IQGAP2: variants seen among roughly 807,000 people sequenced by gnomAD.
The protein encoded by IQGAP2 is IQ motif containing GTPase activating protein 2, also known as ras GTPase-activating-like protein IQGAP2.
IQGAP2 carries 173 observed loss-of-function variants against 201.3 expected under a neutral mutation model. The ratio of observed to expected loss-of-function variants is 0.86; its 90% CI spans 0.76 to 0.98. The LOEUF is 0.98. Ranked by LOEUF, IQGAP2 falls within the 50% of genes least tolerant of loss-of-function variation. The pLI, the probability that IQGAP2 is intolerant of heterozygous loss-of-function variation, is 0.00. For missense variants in IQGAP2, 1,687 were observed against 1,864.8 expected (o/e 0.90, Z 1.76); for synonymous variants, 675 against 673.9 (o/e 1.00, Z -0.03).
intron 2 of IQGAP2, 123 bp from the exon 3 acceptor site, chr5:76,562,273 C>A: frequency 1.5e-6 from 1 of 686,472 alleles, no homozygotes; most frequent in East Asian, 2.7e-5. Flanking sequence ...CCAGTGACAC[C>A]GAAAGATGTT....
chr5:76,700,949 A>T, intron 33 of IQGAP2, 127 bp from the exon 34 acceptor site: 1 of 850,570 alleles, frequency 1.2e-6, no homozygotes, highest in Non-Finnish European at 1.8e-6. Flanking sequence ...CAAAATAAAA[A>T]AGTGTATATT....
intron 1 of IQGAP2, chr5:76,404,568 A>T: frequency 1.2e-6 from 1 of 844,254 alleles, no homozygotes; most frequent in South Asian, 5.5e-5. Context: ...TACCTTCAGC[A>T]GGGTGTTTTG....
At chr5:76,417,477 G>T (rs779550838) in intron 1 of IQGAP2, among the ~76,000 whole-genome samples, 2 of 152,066 alleles carry the variant, frequency 1.3e-5, no homozygotes, top group Admixed American at 1.3e-4. Flanking sequence ...TGGAGACAAG[G>T]TTTCACCATG....
chr5:76,482,323 G>C lies in IQGAP2; in HGVS notation c.146+20654G>C, dbSNP rs575623227. ...AATAACCAAAATATATGCTTATAAA[G>C]TGGTGATGAAAAATTACTTCTTGGT... is the stretch of plus-strand genomic sequence containing the variant. On this transcript the variant is annotated intron_variant, in intron 2 of 35. Coordinates refer to ENST00000274364, the MANE Select transcript of IQGAP2 (RefSeq NM_006633.5). 2.6e-5 allele frequency among the ~76,000 whole-genome samples: 4 copies of C among 152,316 alleles called. No homozygotes were observed. The East Asian group carries it at 5.8e-4, about 22-fold the overall frequency.
At chr5:76,568,358 A>G (rs562058885) in intron 3 of IQGAP2, among the ~76,000 whole-genome samples, 171 of 152,298 alleles carry the variant, frequency 1.1e-3, no homozygotes, top group Middle Eastern at 3.4e-3. Flanking sequence ...AATAATTATA[A>G]TAGCTAATAT....
At chr5:76,574,637 TA>T (rs1175550612) in intron 4 of IQGAP2, among the ~76,000 whole-genome samples, 9 of 152,316 alleles carry the variant, frequency 5.9e-5, no homozygotes, top group Admixed American at 6.5e-5. Flanking sequence ...GTATGTAGGA[TA>T]ACCTCCCGTG....
chr5:76,622,674 C>CT (rs1749817043), intron 13 of IQGAP2, among the ~76,000 whole-genome samples: 1 of 152,140 alleles, frequency 6.6e-6, no homozygotes, highest in Non-Finnish European at 1.5e-5. Flanking sequence ...GAACTCCCCA[C>CT]TTAAAGTCAA....
At position 76,575,773 on chromosome 5, in the gene IQGAP2, G is replaced by C; in HGVS notation, c.458+4G>C. ...TATATTGCATTCACGCACTGAGGTAGGGGGAAAATGCAGCTAAAAGGTGCT... is the reference window on the plus strand; with the variant it reads ...TATATTGCATTCACGCACTGAGGTACGGGGAAAATGCAGCTAAAAGGTGCT... On this transcript the variant is annotated splice_donor_region_variant and intron_variant, in intron 5 of 35. Transcript: ENST00000274364. The C allele has an allele frequency of 6.5e-7, 1 of 1,535,076 alleles. No individual in the cohort carries two copies.
rs112531987 is a variant in IQGAP2, at chr5:76,403,426, T to C, written c.-120T>C. 0.017 allele frequency: 11,848 copies of C among 693,314 alleles called. 135 individuals carry two copies. The highest frequency in any genetic ancestry group is 0.038 in the African/African-American group (1,998 of 52,662). 42.9% of individuals were successfully genotyped at this position (693,314 alleles called of 1,614,324 possible). ...AGTGGGTCGCAGATCTTCGGGCGGCTAGGGGAAATCGGCGAGAGGCGGGAT... is the reference window on the plus strand; with the variant it reads ...AGTGGGTCGCAGATCTTCGGGCGGCCAGGGGAAATCGGCGAGAGGCGGGAT... On this transcript the variant is annotated 5_prime_UTR_variant, in exon 1 of 36. Transcript: ENST00000274364. This position sits in a 1 kb window ranked among gnomAD's most constrained non-coding sequence, Gnocchi z 4.8.
At chr5:76,610,134 T>C in intron 12 of IQGAP2, among the ~76,000 whole-genome samples, 1 of 96,242 alleles carries the variant, frequency 1.0e-5, no homozygotes, top group Non-Finnish European at 2.0e-5. Context: ...TTTTTTTTTT[T>C]TTTTTTTTTG....
intron 6 of IQGAP2, 68 bp from the exon 7 acceptor site, chr5:76,589,547 C>A: frequency 3.7e-6 from 3 of 808,234 alleles, no homozygotes; most frequent in Non-Finnish European, 1.9e-6. Context: ...TGATTGTACT[C>A]ATTCCTGCAT....
chr5:76,460,052 G>C (rs1161706874), intron 1 of IQGAP2, among the ~76,000 whole-genome samples: 1 of 152,170 alleles, frequency 6.6e-6, no homozygotes, highest in Non-Finnish European at 1.5e-5. Flanking sequence ...TATGTGCAAG[G>C]AGCCCTGACA....
intron 2 of IQGAP2, among the ~76,000 whole-genome samples, chr5:76,480,752 A>G (rs1161632111): frequency 6.6e-6 from 1 of 152,236 alleles, no homozygotes; most frequent in Non-Finnish European, 1.5e-5. Context: ...ATAATGGTGT[A>G]CCTTGACTGA....
At chr5:76,525,234 TG>T (rs1758903497) in intron 2 of IQGAP2, among the ~76,000 whole-genome samples, 1 of 152,220 alleles carries the variant, frequency 6.6e-6, no homozygotes, top group South Asian at 2.1e-4. Flanking sequence ...TTTAACCAGT[TG>T]TGCCATTGTT....
chr5:76,692,589 G>A (rs1178582097), intron 30 of IQGAP2, among the ~76,000 whole-genome samples: 1 of 152,218 alleles, frequency 6.6e-6, no homozygotes, highest in African/African-American at 2.4e-5. Context: ...TCCCTAGGAA[G>A]TGGTGGCCAA....
intron 2 of IQGAP2, among the ~76,000 whole-genome samples, chr5:76,481,194 G>A (rs984256719): frequency 5.3e-5 from 8 of 152,044 alleles, no homozygotes; most frequent in African/African-American, 1.9e-4. Flanking sequence ...AGCCTTATAT[G>A]GGAACTGACA....
At chr5:76,494,994 T>A (rs1352069921) in intron 2 of IQGAP2, among the ~76,000 whole-genome samples, 1 of 152,206 alleles carries the variant, frequency 6.6e-6, no homozygotes, top group Non-Finnish European at 1.5e-5. Flanking sequence ...AACCCATTTG[T>A]CAGTGGAGGC....
At chr5:76,551,622 G>T (rs959262308) in intron 2 of IQGAP2, among the ~76,000 whole-genome samples, 1 of 151,010 alleles carries the variant, frequency 6.6e-6, no homozygotes, top group Admixed American at 6.6e-5. Flanking sequence ...GGAGGCCGAG[G>T]CAGGCAGATC....
intron 21 of IQGAP2, among the ~76,000 whole-genome samples, chr5:76,664,412 C>T (rs921531225): frequency 1.3e-5 from 2 of 152,180 alleles, no homozygotes; most frequent in Admixed American, 6.5e-5. Context: ...AGGCTGGGCA[C>T]GGTGGCTTAC....
Sources: gnomAD v4.1 joint callset for allele counts (sites outside exome capture counted in the v4.1 genomes callset) on GRCh38, gnomAD v4.1.1 for gene constraint, Gnocchi (gnomAD v3.1) non-coding constraint, MANE v1.5 for transcripts, NCBI Gene and HGNC (gene_info 2026-07-23, HGNC 2026-07-21) for gene names.